The following SLC35F4 variants were observed in gnomAD, a reference collection of about 807,000 sequenced individuals.
SLC35F4 encodes solute carrier family 35 member F4.
SLC35F4 carries 24 observed loss-of-function variants against 44.2 expected under a neutral mutation model. The ratio of observed to expected loss-of-function variants is 0.54; its 90% CI spans 0.39 to 0.76. SLC35F4 has a LOEUF of 0.76. SLC35F4 is among the 30% of genes least tolerant of loss of function. The pLI, the probability that SLC35F4 is intolerant of heterozygous loss-of-function variation, is 0.00. For missense variants in SLC35F4, 562 were observed against 586.1 expected, an observed-to-expected ratio of 0.96 and a Z score of 0.42; for synonymous variants, 238 against 223.6, an observed-to-expected ratio of 1.06 and a Z score of -0.57.
intron 1 of SLC35F4, among the ~76,000 whole-genome samples, chr14:57,637,632 A>G (rs1435302199): frequency 2.0e-5 from 3 of 152,156 alleles, no homozygotes; most frequent in Admixed American, 6.6e-5. Flanking sequence ...AGGTACTAAA[A>G]GTTGCCTCTA....
At chr14:57,819,575 G>C (rs963530968) in intron 1 of SLC35F4, among the ~76,000 whole-genome samples, 1 of 151,876 alleles carries the variant, frequency 6.6e-6, no homozygotes, top group African/African-American at 2.4e-5. Context: ...GGGGACCTAG[G>C]CAGGCAGATC....
At chr14:57,851,417 G>C (rs1161564322) in intron 1 of SLC35F4, among the ~76,000 whole-genome samples, 1 of 152,138 alleles carries the variant, frequency 6.6e-6, no homozygotes, top group Non-Finnish European at 1.5e-5. Context: ...TCATAGATCA[G>C]ATTTTCAAAG....
chr14:57,664,352 A>G (rs2074237694), intron 1 of SLC35F4, among the ~76,000 whole-genome samples: 1 of 152,194 alleles, frequency 6.6e-6, no homozygotes, highest in African/African-American at 2.4e-5. Flanking sequence ...TGTTAAATGA[A>G]TGGGACACTG....
intron 1 of SLC35F4, among the ~76,000 whole-genome samples, 199 bp downstream of exon 1, chr14:57,865,524 C>T (rs1432442157): frequency 2.0e-5 from 3 of 152,180 alleles, no homozygotes; most frequent in African/African-American, 7.2e-5. Context: ...GGGCCCCTTG[C>T]CCTCTCACGG....
At chr14:57,701,623 A>T (rs1348719502) in intron 1 of SLC35F4, among the ~76,000 whole-genome samples, 1 of 152,204 alleles carries the variant, frequency 6.6e-6, no homozygotes, top group Non-Finnish European at 1.5e-5. Context: ...TTTCAGCTCC[A>T]CTATAATTTC....
At chr14:57,870,606 C>T (rs2141026752), upstream of SLC35F4, among the ~76,000 whole-genome samples, 1 of 152,288 alleles carries the variant, frequency 6.6e-6, no homozygotes, top group African/African-American at 2.4e-5. Flanking sequence ...CAGTTTCCTC[C>T]TCTGTAAAAT....
chr14:57,932,686 T>C (rs1416024579), intron 1 of SLC35F4, among the ~76,000 whole-genome samples: 1 of 152,060 alleles, frequency 6.6e-6, no homozygotes, highest in African/African-American at 2.4e-5. Context: ...CCATCTCTAC[T>C]AAAAATACAA....
intron 1 of SLC35F4, among the ~76,000 whole-genome samples, chr14:57,598,292 A>G (rs2070610319): frequency 1.3e-5 from 2 of 152,304 alleles, no homozygotes; most frequent in South Asian, 4.1e-4. Flanking sequence ...ACAGAGTCAA[A>G]AATCTGGAGA....
chr14:57,785,180 A>T (rs2077724406), intron 1 of SLC35F4, among the ~76,000 whole-genome samples: 1 of 152,198 alleles, frequency 6.6e-6, no homozygotes, highest in Non-Finnish European at 1.5e-5. Flanking sequence ...TATTTTGATG[A>T]TTAAAAATTA....
At chr14:57,576,043 A>C (rs2068771587) in intron 4 of SLC35F4, among the ~76,000 whole-genome samples, 1 of 151,776 alleles carries the variant, frequency 6.6e-6, no homozygotes, top group African/African-American at 2.4e-5. Context: ...AAGCCCACAA[A>C]GGTTTGGTCC....
chr14:57,863,298 C>CT (rs1041169559), intron 1 of SLC35F4, among the ~76,000 whole-genome samples: 93 of 152,242 alleles, frequency 6.1e-4, no homozygotes, highest in African/African-American at 2.2e-3. Context: ...TATCATGTTT[C>CT]TTTTTTTGCA....
intron 1 of SLC35F4, among the ~76,000 whole-genome samples, chr14:57,951,807 C>G (rs1021963508): frequency 2.6e-5 from 4 of 152,212 alleles, no homozygotes; most frequent in Non-Finnish European, 4.4e-5. Flanking sequence ...AGATAAAACT[C>G]CCATCTCCCT....
At chr14:57,672,071 CAT>C (rs2074540097) in intron 1 of SLC35F4, among the ~76,000 whole-genome samples, 1 of 152,112 alleles carries the variant, frequency 6.6e-6, no homozygotes, top group Non-Finnish European at 1.5e-5. Context: ...TGGCTTCAGA[CAT>C]GTGGAGTTTG....
chr14:57,589,890 TAAG>T (rs1305275542), intron 2 of SLC35F4, among the ~76,000 whole-genome samples: 1 of 152,124 alleles, frequency 6.6e-6, no homozygotes, highest in Non-Finnish European at 1.5e-5. Flanking sequence ...ACACCTCCCA[TAAG>T]AAGCCTTAGG....
intron 1 of SLC35F4, among the ~76,000 whole-genome samples, chr14:57,632,294 T>C (rs1296929717): frequency 2.0e-5 from 3 of 152,080 alleles, no homozygotes; most frequent in Non-Finnish European, 4.4e-5. Context: ...AATGGTATTT[T>C]TGAATGTCTG....
intron 3 of SLC35F4, among the ~76,000 whole-genome samples, chr14:57,583,987 T>A (rs1310740232): frequency 6.6e-6 from 1 of 152,176 alleles, no homozygotes; most frequent in African/African-American, 2.4e-5. Context: ...TGCTTATTAT[T>A]AAAACAGCAG....
intron 1 of SLC35F4, among the ~76,000 whole-genome samples, chr14:57,933,625 C>A (rs1260172326): frequency 1.3e-5 from 2 of 152,182 alleles, no homozygotes; most frequent in African/African-American, 4.8e-5. Flanking sequence ...AGCTCTGGTG[C>A]CCTGCCATTT....
intron 1 of SLC35F4, among the ~76,000 whole-genome samples, chr14:57,694,751 C>A (rs2075333592): frequency 6.6e-6 from 1 of 152,162 alleles, no homozygotes; most frequent in South Asian, 2.1e-4. Context: ...GTATAGAGGT[C>A]TTATACATAA....
At chr14:57,812,220 T>C (rs548083418) in intron 1 of SLC35F4, among the ~76,000 whole-genome samples, 7 of 152,174 alleles carry the variant, frequency 4.6e-5, no homozygotes, top group African/African-American at 1.7e-4. Context: ...GATCTCAACA[T>C]CCAAAGCAAG....
Sources: gnomAD v4.1 joint callset for allele counts (sites outside exome capture counted in the v4.1 genomes callset) on GRCh38, gnomAD v4.1.1 for gene constraint, MANE v1.5 for transcripts, NCBI Gene and HGNC (gene_info 2026-07-23, HGNC 2026-07-21) for gene names.